The following NEK6 variants were observed in gnomAD, a reference collection of about 807,000 sequenced individuals.
NEK6 encodes NIMA related kinase 6.
In NEK6, 27 loss-of-function variants were observed where a neutral mutation model predicts 43.5. That is an observed-to-expected ratio of 0.62 (90% CI 0.46 to 0.86). The LOEUF (loss-of-function observed/expected upper bound fraction) is 0.86, where lower values mean the gene tolerates loss of function less well. Among genes scored for constraint, NEK6 ranks in the 40% least tolerant of loss-of-function variants. The probability of loss-of-function intolerance (pLI) is 0.00; values close to 1 mark genes in which losing one functional copy is unlikely to be tolerated. For synonymous variants in NEK6, 167 were observed against 164.1 expected, an observed-to-expected ratio of 1.02 and a Z score of -0.14; for missense variants, 318 against 414.4, an observed-to-expected ratio of 0.77 and a Z score of 2.02.
intron 2 of NEK6, among the ~76,000 whole-genome samples, chr9:124,311,040 C>G (rs1173860330): frequency 6.6e-6 from 1 of 152,236 alleles, no homozygotes. Context: ...AGTTGATGGA[C>G]CCAGCTTAGA....
chr9:124,268,610 C>T (rs1368551917), intron 1 of NEK6, among the ~76,000 whole-genome samples: 2 of 152,102 alleles, frequency 1.3e-5, no homozygotes, highest in Non-Finnish European at 2.9e-5. Context: ...CTGTGATATA[C>T]CCAGTCAGCC....
intron 8 of NEK6, among the ~76,000 whole-genome samples, chr9:124,345,851 C>T (rs79743788): frequency 6.6e-6 from 1 of 152,172 alleles, no homozygotes; most frequent in Non-Finnish European, 1.5e-5. Context: ...CCCGATTAAC[C>T]CTTTGCACCC....
chr9:124,316,183 T>C (rs971417953), intron 4 of NEK6, among the ~76,000 whole-genome samples: 1 of 152,176 alleles, frequency 6.6e-6, no homozygotes, highest in Non-Finnish European at 1.5e-5. Context: ...TGTTGACATA[T>C]CACATCATTC....
At chr9:124,342,159 C>T (rs929828471) in intron 8 of NEK6, among the ~76,000 whole-genome samples, 3 of 152,148 alleles carry the variant, frequency 2.0e-5, no homozygotes, top group Non-Finnish European at 4.4e-5. Context: ...AGGGCTCCAG[C>T]GTCACCGCCC....
At chr9:124,320,096 G>A (rs2150237) in intron 4 of NEK6, among the ~76,000 whole-genome samples, 61,850 of 152,162 alleles carry the variant, frequency 0.41, 12,774 homozygotes, top group South Asian at 0.59. Flanking sequence ...CTGGTTCCTC[G>A]CAGTGGTGTC....
intron 1 of NEK6, among the ~76,000 whole-genome samples, chr9:124,294,022 C>T (rs908139988): frequency 2.6e-5 from 4 of 152,252 alleles, no homozygotes; most frequent in East Asian, 1.9e-4. Flanking sequence ...TGGATGGGGA[C>T]GTTTAAGGCT....
At chr9:124,293,570 C>T (rs1272628371) in intron 1 of NEK6, among the ~76,000 whole-genome samples, 1 of 152,242 alleles carries the variant, frequency 6.6e-6, no homozygotes, top group African/African-American at 2.4e-5. Flanking sequence ...TCAAAAAGGC[C>T]CTGGGAACCC....
At position 124,330,535 on chromosome 9, in the gene NEK6, G is replaced by A. The variant is rs1828924482; in HGVS notation, c.622+3090G>A. On this transcript the variant is annotated intron_variant, in intron 7 of 9. Transcript: ENST00000320246. ...GGCTGGTCACACCCAGGCCCATGCA[G>A]GGCCCGTGCTGCCTCTTGGGGGCTG... Among the ~76,000 whole-genome samples the A allele has an allele frequency of 2.0e-5, 3 of 152,292 alleles. No individual in the cohort carries two copies. In the South Asian group the frequency reaches 6.2e-4, roughly 32 times the overall value.
intron 2 of NEK6, among the ~76,000 whole-genome samples, chr9:124,310,556 C>T (rs554749073): frequency 2.0e-4 from 30 of 152,336 alleles, no homozygotes; most frequent in East Asian, 3.9e-4. Flanking sequence ...CACTCACTCC[C>T]GCAGGAGGGT....
At chr9:124,321,795 C>T (rs2274782) in intron 5 of NEK6, among the ~76,000 whole-genome samples, 61,289 of 152,126 alleles carry the variant, frequency 0.4, 13,075 homozygotes, top group African/African-American at 0.55. Context: ...TTTCTTTCCA[C>T]TGGCCTCAGG....
chr9:124,321,387 C>A, intron 4 of NEK6, 72 bp from the exon 5 acceptor site: 1 of 946,724 alleles, frequency 1.1e-6, no homozygotes, highest in Non-Finnish European at 1.7e-6. Context: ...AGCAGGGTGC[C>A]GGTGGCAGGC....
At chr9:124,292,087 A>G in intron 1 of NEK6, 1 of 1,047,468 alleles carries the variant, frequency 9.5e-7, no homozygotes, top group Non-Finnish European at 1.2e-6. Context: ...CCACTTCAAA[A>G]GGTACCCTGA....
intron 4 of NEK6, among the ~76,000 whole-genome samples, chr9:124,316,290 C>T (rs375136687): frequency 3.3e-5 from 5 of 152,338 alleles, no homozygotes; most frequent in African/African-American, 1.2e-4. Context: ...TGTTGGAACG[C>T]AGGCGTGTGT....
At chr9:124,336,507 G>A (rs1221488765) in intron 7 of NEK6, among the ~76,000 whole-genome samples, 1 of 152,122 alleles carries the variant, frequency 6.6e-6, no homozygotes, top group Non-Finnish European at 1.5e-5. Context: ...CCTCGGCCCG[G>A]TGCCTTCTGA....
chr9:124,302,000 G>T lies in NEK6; in HGVS notation c.36G>T (p.Gly12=). 1 of 1,605,946 alleles carries T rather than the reference G, an allele frequency of 6.2e-7. No individual in the cohort carries two copies. The highest frequency in any genetic ancestry group is 1.1e-5 in the South Asian group (1 of 89,306). The change falls in exon 2 of 10, where the codon GGG becomes GGT. Residue 12 remains glycine, a synonymous_variant. Transcript: ENST00000320246. ...AGQPGHMPHG[G]SSNNLCHTLG... ...AGCCCGGCCACATGCCCCATGGAGG[G>T]AGTTCCAACAACCTCTGCCACACCC...
intron 1 of NEK6, among the ~76,000 whole-genome samples, chr9:124,286,158 G>A (rs904937325): frequency 3.9e-5 from 6 of 152,090 alleles, no homozygotes; most frequent in Non-Finnish European, 7.4e-5. Flanking sequence ...CAAGAATTCC[G>A]ACTGCACAGA....
At chr9:124,327,579 T>C in intron 7 of NEK6, 134 bp downstream of exon 7, 1 of 718,764 alleles carries the variant, frequency 1.4e-6, no homozygotes, top group Non-Finnish European at 2.4e-6. Context: ...CAGGGTTTTC[T>C]CATCTGTTCA....
Position 124,275,802 on chromosome 9 carries a change from C to T in NEK6, c.-30+17717C>T, listed in dbSNP as rs919427765. Among the ~76,000 whole-genome samples, 6 of 152,202 alleles carry T rather than the reference C, an allele frequency of 3.9e-5. No homozygotes were observed. Among genetic ancestry groups the T allele is most frequent in the Non-Finnish European group, 5.9e-5 (4 of 68,042 alleles). On this transcript the variant is annotated intron_variant, in intron 1 of 9. Coordinates refer to ENST00000320246, the MANE Select transcript of NEK6 (RefSeq NM_014397.6). This position sits in a 1 kb window ranked among gnomAD's most constrained non-coding sequence, Gnocchi z 4.4. ...TGAGGGGAGGGAGCAATGCACCCTTCGTTTGTTCCTCAGGCCTGTGGCCAT... is the reference window on the plus strand; with the variant it reads ...TGAGGGGAGGGAGCAATGCACCCTTTGTTTGTTCCTCAGGCCTGTGGCCAT...
intron 3 of NEK6, among the ~76,000 whole-genome samples, chr9:124,312,862 G>A (rs929304106): frequency 2.0e-5 from 3 of 152,208 alleles, no homozygotes; most frequent in South Asian, 2.1e-4. Context: ...TGCATTGAGC[G>A]CCTGCTGTGT....
Sources: gnomAD v4.1 joint callset for allele counts (sites outside exome capture counted in the v4.1 genomes callset) on GRCh38, gnomAD v4.1.1 for gene constraint, Gnocchi (gnomAD v3.1) non-coding constraint, MANE v1.5 for transcripts, NCBI Gene and HGNC (gene_info 2026-07-23, HGNC 2026-07-21) for gene names.